The following LRIF1 variants were observed in gnomAD, a reference collection of about 807,000 sequenced individuals.
The protein encoded by LRIF1 is ligand dependent nuclear receptor interacting factor 1, also known as ligand-dependent nuclear receptor-interacting factor 1.
In LRIF1, 32 loss-of-function variants were observed where a neutral mutation model predicts 52.7. That is an observed-to-expected ratio of 0.61 (90% CI 0.46 to 0.82). The LOEUF (loss-of-function observed/expected upper bound fraction) is 0.82. LRIF1 is among the 40% of genes least tolerant of loss of function. The pLI is 0.00. For synonymous variants in LRIF1, 323 were observed against 317.4 expected, an observed-to-expected ratio of 1.02 and a Z score of -0.19; for missense variants, 887 against 892.0, an observed-to-expected ratio of 0.99 and a Z score of 0.07.
At chr1:110,906,576 C>CA in the LRIF1 span, among the ~76,000 whole-genome samples, 1 of 151,512 alleles carries the variant, frequency 6.6e-6, no homozygotes, top group Non-Finnish European at 1.5e-5. Flanking sequence ...ATGATCGCAT[C>CA]AAAAAAATAA....
chr1:110,933,007 ATATTTTATTCTAGAGGTCAAATAC>A, the LRIF1 span, among the ~76,000 whole-genome samples: 1 of 152,196 alleles, frequency 6.6e-6, no homozygotes, highest in Non-Finnish European at 1.5e-5. Flanking sequence ...ATTAATAGGT[ATATTTTATTCTAGAGGTCAAATAC>A]TATTTATTTT....
the LRIF1 span, chr1:110,940,875 A>C: frequency 6.6e-6 from 1 of 152,150 alleles, no homozygotes; most frequent in Non-Finnish European, 1.5e-5. Context: ...TAATGGATAC[A>C]TAAAAATAGA....
chr1:110,943,063 G>GA (rs943767628), downstream of LRIF1, among the ~76,000 whole-genome samples: 15 of 151,516 alleles, frequency 9.9e-5, no homozygotes, highest in Admixed American at 3.9e-4. Flanking sequence ...GAGGTATGAG[G>GA]AAAAAAAAGA....
At chr1:110,879,115 G>A in the LRIF1 span, among the ~76,000 whole-genome samples, 1 of 152,128 alleles carries the variant, frequency 6.6e-6, no homozygotes, top group African/African-American at 2.4e-5. Context: ...CCCCGTGTAT[G>A]TTTTATTCCT....
At chr1:110,897,982 C>T in the LRIF1 span, 3 of 635,158 alleles carry the variant, frequency 4.7e-6, no homozygotes, top group South Asian at 6.8e-5. Context: ...AGTATTTACA[C>T]AATAAATGTT....
At chr1:110,879,389 C>T in the LRIF1 span, among the ~76,000 whole-genome samples, 12 of 152,302 alleles carry the variant, frequency 7.9e-5, no homozygotes, top group African/African-American at 2.9e-4. Flanking sequence ...CAAAACTAGA[C>T]CTGTCTGATT....
At chr1:110,948,421 C>A (rs548084148) in intron 3 of LRIF1, 22 bp from the exon 4 acceptor site, 2 of 1,588,516 alleles carry the variant, frequency 1.3e-6, no homozygotes, top group South Asian at 2.3e-5. Flanking sequence ...AATAACATTC[C>A]AAAACAAAAA....
the LRIF1 span, among the ~76,000 whole-genome samples, chr1:110,907,736 AC>A: frequency 2.6e-5 from 4 of 152,196 alleles, no homozygotes; most frequent in Non-Finnish European, 5.9e-5. Flanking sequence ...TCCATCTCAC[AC>A]ACACAAAAAA....
downstream of LRIF1, among the ~76,000 whole-genome samples, chr1:110,946,671 T>G (rs1250369852): frequency 6.8e-6 from 1 of 147,322 alleles, no homozygotes; most frequent in East Asian, 2.0e-4. Flanking sequence ...TTTTTTTTTT[T>G]TTTGAGACGG....
Position 110,952,472 on chromosome 1 carries a change from G to T in LRIF1, c.412C>A (p.His138Asn). The change falls in exon 2 of 4, where the codon CAT (histidine) becomes AAT (asparagine). Residue 138 changes from histidine to asparagine, a missense_variant. Physicochemically the swap from His to Asn is moderately conservative, Grantham distance 68. Transcript: ENST00000369763. Reference sequence around the variant, plus strand: ...GTGAGTCCATCAATTTTCACACCATGACTCTGAACTTTAGAAACTGATGAA... The same window carrying T: ...GTGAGTCCATCAATTTTCACACCATTACTCTGAACTTTAGAAACTGATGAA... ...FSSSVSKVQS[H>N]GVKIDGLTMQ... is the part of the protein sequence containing the mutation. 6.2e-7 allele frequency: 1 copy of T among 1,612,742 alleles called. No homozygotes were observed. Among genetic ancestry groups the T allele is most frequent in the South Asian group, 1.1e-5 (1 of 90,992 alleles).
chr1:110,897,866 A>G, the LRIF1 span: 5 of 1,611,244 alleles, frequency 3.1e-6, no homozygotes, highest in East Asian at 1.1e-4. Context: ...TATCGGAATC[A>G]TCACCATCTG....
chr1:110,893,738 C>T, the LRIF1 span, among the ~76,000 whole-genome samples: 97,665 of 152,122 alleles, frequency 0.64, 33,343 homozygotes, highest in Non-Finnish European at 0.77. Context: ...TGGGGTAAGG[C>T]AAATGTTTTA....
chr1:110,945,558 C>T (rs933292968), downstream of LRIF1, among the ~76,000 whole-genome samples: 3 of 151,904 alleles, frequency 2.0e-5, no homozygotes, highest in Non-Finnish European at 4.4e-5. Context: ...TCCCAGTAGC[C>T]GAGATTACAG....
the LRIF1 span, among the ~76,000 whole-genome samples, chr1:110,902,803 C>A: frequency 2.8e-3 from 424 of 152,294 alleles, 2 homozygotes; most frequent in African/African-American, 9.0e-3. Flanking sequence ...ACACAAAAAA[C>A]CACCTTCGTA....
chr1:110,928,990 T>C, the LRIF1 span, among the ~76,000 whole-genome samples: 94,558 of 152,082 alleles, frequency 0.62, 31,186 homozygotes, highest in East Asian at 0.75. Context: ...TAAACCTTTT[T>C]ATTTTCATCG....
the LRIF1 span, among the ~76,000 whole-genome samples, chr1:110,876,274 A>T: frequency 1.3e-5 from 2 of 152,166 alleles, no homozygotes; most frequent in Non-Finnish European, 2.9e-5. Context: ...TCTCTATGGC[A>T]TGCTCTTTCT....
the LRIF1 span, among the ~76,000 whole-genome samples, chr1:110,896,259 G>A: frequency 6.6e-6 from 1 of 152,110 alleles, no homozygotes. Context: ...TTTGTTTTGT[G>A]GTAAGACTGC....
At position 110,962,044 on chromosome 1, in the gene LRIF1, G is replaced by T. The variant is rs149266389; in HGVS notation, c.68+1577C>A. Among the ~76,000 whole-genome samples, 928 of 140,944 alleles carry T rather than the reference G, an allele frequency of 6.6e-3. 10 individuals are homozygous for T. Among genetic ancestry groups the T allele is most frequent in the African/African-American group, 0.023 (880 of 37,838 alleles). The allele number at this position is 140,944 out of a possible 152,430, so 92.5% of individuals were successfully genotyped here. The stretch of plus-strand genomic sequence containing the variant: ...AAATCCCCAAAAGGATTAGAAACTG[G>T]ATAACAGAGTTAAGGGTACACACAC... On this transcript the variant is annotated intron_variant, in intron 1 of 3. Coordinates refer to ENST00000369763, the MANE Select transcript of LRIF1 (RefSeq NM_018372.4).
chr1:110,914,184 A>C, the LRIF1 span, among the ~76,000 whole-genome samples: 1 of 152,112 alleles, frequency 6.6e-6, no homozygotes, highest in Non-Finnish European at 1.5e-5. Context: ...GGTGAGGATC[A>C]AAAAAATGCC....
Sources: gnomAD v4.1 joint callset for allele counts (sites outside exome capture counted in the v4.1 genomes callset) on GRCh38, gnomAD v4.1.1 for gene constraint, MANE v1.5 for transcripts, NCBI Gene and HGNC (gene_info 2026-07-23, HGNC 2026-07-21) for gene names.